Variants in ANOS1 observed in about 807,000 individuals in gnomAD.
ANOS1 encodes the protein anosmin-1.
A neutral mutation model predicts 59.0 loss-of-function variants in ANOS1; 6 were observed. The observed-to-expected ratio is 0.10, with a 90% confidence interval of 0.06 to 0.20. The LOEUF (loss-of-function observed/expected upper bound fraction) is 0.20. Among genes scored for constraint, ANOS1 ranks in the 10% least tolerant of loss-of-function variants. ANOS1 has a pLI of 1.00. For missense variants in ANOS1, 433 were observed against 542.3 expected (o/e 0.80, Z 2.00); for synonymous variants, 217 against 223.4 (o/e 0.97, Z 0.25).
chrX:8,533,953 AG>A (rs1010979298), intron 13 of ANOS1, among the ~76,000 whole-genome samples: 3 of 101,190 alleles, frequency 3.0e-5, no homozygotes, highest in African/African-American at 1.1e-4. Context: ...AATGCAAGGA[AG>A]GAAAAAAAAA....
intron 3 of ANOS1, among the ~76,000 whole-genome samples, chrX:8,597,586 A>G (rs1930763266): frequency 9.2e-6 from 1 of 108,251 alleles, no homozygotes; most frequent in Non-Finnish European, 1.9e-5. Flanking sequence ...GTTCAGTACA[A>G]TTTGAGGGCC....
At chrX:8,619,990 T>A (rs753958231) in intron 3 of ANOS1, among the ~76,000 whole-genome samples, 2 of 112,249 alleles carry the variant, frequency 1.8e-5, no homozygotes, top group South Asian at 7.5e-4. Context: ...TGGACTGCAA[T>A]GGCATGATCA....
chrX:8,623,318 T>G (rs1480114210), intron 3 of ANOS1, among the ~76,000 whole-genome samples: 1 of 111,447 alleles, frequency 9.0e-6, no homozygotes, highest in African/African-American at 3.3e-5. Context: ...ATAGCTATGA[T>G]GTAAGGTGGG....
intron 2 of ANOS1, among the ~76,000 whole-genome samples, chrX:8,695,874 G>A (rs1235510286): frequency 1.8e-5 from 2 of 111,020 alleles, no homozygotes; most frequent in Non-Finnish European, 3.8e-5. Context: ...CCTGTGTAGG[G>A]GATTTACTGG....
chrX:8,534,656 C>T (rs766934213), intron 12 of ANOS1, among the ~76,000 whole-genome samples, 196 bp from the exon 13 acceptor site: 2 of 111,701 alleles, frequency 1.8e-5, no homozygotes, highest in Non-Finnish European at 3.8e-5. Context: ...GGTTTCTTAG[C>T]ACCTCACTCA....
rs1930765392 is a variant in ANOS1, at chrX:8,597,656, CCCT to C, written c.319-403_319-401del. ...TCACTCTCTTTAATTTTTTCTTTCT[CCCT>C]TTTTTTTTTTTTTTTTTTTTTTTTT... is the stretch of plus-strand genomic sequence containing the variant. On this transcript the variant is annotated intron_variant, in intron 3 of 13. Coordinates refer to ENST00000262648, the MANE Select transcript of ANOS1 (RefSeq NM_000216.4). Among the ~76,000 whole-genome samples, 3 of 80,412 alleles carry C rather than the reference CCCT, an allele frequency of 3.7e-5. 1 individual carries two copies. The highest frequency in any genetic ancestry group is 4.9e-4 in the East Asian group (1 of 2,044). 69.8% of individuals were successfully genotyped at this position (80,412 alleles called of 115,157 possible).
chrX:8,701,395 T>C (rs756485064), intron 1 of ANOS1, among the ~76,000 whole-genome samples: 1 of 112,694 alleles, frequency 8.9e-6, no homozygotes, highest in East Asian at 2.8e-4. Flanking sequence ...TTTATTGAGA[T>C]ATAATTCACA....
intron 2 of ANOS1, among the ~76,000 whole-genome samples, chrX:8,666,876 C>A (rs1932148635): frequency 9.0e-6 from 1 of 111,268 alleles, no homozygotes. Context: ...TTGTATGCCC[C>A]AGGATGAGGT....
At chrX:8,657,243 G>A (rs962099496) in intron 2 of ANOS1, among the ~76,000 whole-genome samples, 3 of 112,266 alleles carry the variant, frequency 2.7e-5, no homozygotes, top group African/African-American at 6.5e-5. Flanking sequence ...TGGAAGCTTC[G>A]CATTGGGAAT....
At chrX:8,712,536 T>C (rs949449302) in intron 1 of ANOS1, among the ~76,000 whole-genome samples, 1 of 112,421 alleles carries the variant, frequency 8.9e-6, no homozygotes, top group African/African-American at 3.2e-5. Flanking sequence ...TAATAATCTA[T>C]GTGTTAATAT....
chrX:8,620,082 G>C (rs1012728159), intron 3 of ANOS1, among the ~76,000 whole-genome samples: 1 of 110,996 alleles, frequency 9.0e-6, no homozygotes, highest in Non-Finnish European at 1.9e-5. Context: ...ACAGGCATTA[G>C]CCACTGTGCC....
chrX:8,598,932 G>A (rs775189364), intron 3 of ANOS1, among the ~76,000 whole-genome samples: 3 of 111,699 alleles, frequency 2.7e-5, no homozygotes, highest in South Asian at 3.8e-4. Flanking sequence ...ACTGTGGACC[G>A]AGGCTTGCAG....
chrX:8,610,752 T>C (rs916647625), intron 3 of ANOS1, among the ~76,000 whole-genome samples: 5 of 111,114 alleles, frequency 4.5e-5, no homozygotes, highest in African/African-American at 1.6e-4. Flanking sequence ...ATGGGATAAA[T>C]TGGGCCTAGT....
At chrX:8,624,399 A>T (rs1931356519) in intron 2 of ANOS1, among the ~76,000 whole-genome samples, 1 of 111,891 alleles carries the variant, frequency 8.9e-6, no homozygotes, top group African/African-American at 3.2e-5. Context: ...AATTGGCAGC[A>T]TAGGGCTATT....
intron 8 of ANOS1, among the ~76,000 whole-genome samples, chrX:8,563,274 A>G (rs1403225116): frequency 8.9e-6 from 1 of 112,599 alleles, no homozygotes; most frequent in East Asian, 2.8e-4. Flanking sequence ...GTTAACTACC[A>G]TATCTCTTAA....
chrX:8,641,376 A>C (rs1376731715), intron 2 of ANOS1, among the ~76,000 whole-genome samples: 1 of 112,493 alleles, frequency 8.9e-6, no homozygotes, highest in East Asian at 2.8e-4. Context: ...AGCATTCCTC[A>C]CATTCATCTT....
Position 8,532,519 on chromosome X carries a change from A to T in ANOS1, c.*476T>A, listed in dbSNP as rs1929516190. ...TAGGATAAAAATGATCTTAGGAAAG[A>T]TTCAAAAAAACAAAGCTGTGTAATC... On this transcript the variant is annotated 3_prime_UTR_variant, in exon 14 of 14. Transcript: ENST00000262648. 2 of 113,411 alleles carry T rather than the reference A, an allele frequency of 1.8e-5. No individual in the cohort carries two copies. Among genetic ancestry groups the T allele is most frequent in the African/African-American group, 6.5e-5 (2 of 30,908 alleles). The allele number at this position is 113,411 out of a possible 1,213,427, so 9.3% of individuals were successfully genotyped here.
At chrX:8,637,272 G>T (rs895099504) in intron 2 of ANOS1, among the ~76,000 whole-genome samples, 17 of 112,016 alleles carry the variant, frequency 1.5e-4, no homozygotes, top group African/African-American at 5.2e-4. Context: ...TCAGTTTCTT[G>T]TGCTTGTTTT....
intron 2 of ANOS1, among the ~76,000 whole-genome samples, chrX:8,666,792 A>C (rs1383699415): frequency 9.0e-6 from 1 of 111,469 alleles, no homozygotes; most frequent in Non-Finnish European, 1.9e-5. Flanking sequence ...AGTCCCCTTC[A>C]ACTTTGCATT....
Sources: gnomAD v4.1 joint callset for allele counts (sites outside exome capture counted in the v4.1 genomes callset) on GRCh38, gnomAD v4.1.1 for gene constraint, MANE v1.5 for transcripts, NCBI Gene and HGNC (gene_info 2026-07-23, HGNC 2026-07-21) for gene names.